Variants in FSTL5 observed in about 807,000 individuals in gnomAD.
FSTL5 encodes the protein follistatin-related protein 5.
Under a neutral mutation model 89.1 loss-of-function variants are expected in FSTL5, and 62 were observed. The observed-to-expected ratio is 0.70, with a 90% CI of 0.57 to 0.86. The LOEUF (loss-of-function observed/expected upper bound fraction) is 0.86. FSTL5 is among the 40% of genes least tolerant of loss of function. The pLI is 0.00. For missense variants in FSTL5, 1,057 were observed against 1,001.6 expected, an observed-to-expected ratio of 1.06 and a Z score of -0.75; for synonymous variants, 383 against 346.2, an observed-to-expected ratio of 1.11 and a Z score of -1.18.
At chr4:161,741,384 C>A (rs959300746) in intron 6 of FSTL5, among the ~76,000 whole-genome samples, 1 of 152,078 alleles carries the variant, frequency 6.6e-6, no homozygotes, top group Admixed American at 6.5e-5. Context: ...AGACTTGGCA[C>A]AATGTTACTG....
chr4:161,665,283 C>T (rs956260418), intron 6 of FSTL5, among the ~76,000 whole-genome samples: 6 of 152,100 alleles, frequency 3.9e-5, no homozygotes, highest in Non-Finnish European at 5.9e-5. Flanking sequence ...ACTCCTTCAC[C>T]CAGGCTGGAG....
intron 3 of FSTL5, among the ~76,000 whole-genome samples, chr4:162,007,142 A>T (rs192454743): frequency 6.6e-6 from 1 of 151,836 alleles, no homozygotes; most frequent in African/African-American, 2.4e-5. Context: ...AGAAAATTTT[A>T]AAAAGATAGT....
chr4:161,636,577 G>A (rs1578984812), intron 7 of FSTL5, among the ~76,000 whole-genome samples: 1 of 148,738 alleles, frequency 6.7e-6, no homozygotes, highest in African/African-American at 2.5e-5. Context: ...TCGTCATCTA[G>A]CATTAGGTAT....
At chr4:161,639,964 AT>A (rs1469937509) in intron 7 of FSTL5, among the ~76,000 whole-genome samples, 1 of 151,988 alleles carries the variant, frequency 6.6e-6, no homozygotes, top group Non-Finnish European at 1.5e-5. Flanking sequence ...TGCTTCCTTC[AT>A]TTTTTTCTTT....
At chr4:162,044,348 A>G (rs1450997946) in intron 2 of FSTL5, among the ~76,000 whole-genome samples, 1 of 152,180 alleles carries the variant, frequency 6.6e-6, no homozygotes, top group African/African-American at 2.4e-5. Flanking sequence ...ATATTTTAAA[A>G]GGAATCTTTT....
intron 3 of FSTL5, among the ~76,000 whole-genome samples, chr4:161,925,188 T>C (rs916234308): frequency 5.9e-5 from 9 of 151,944 alleles, no homozygotes; most frequent in Admixed American, 3.9e-4. Flanking sequence ...GTATATTTAG[T>C]AAGTTTTCTC....
chr4:161,447,311 A>G (rs1732980046), intron 15 of FSTL5, among the ~76,000 whole-genome samples: 2 of 152,088 alleles, frequency 1.3e-5, no homozygotes, highest in Admixed American at 6.6e-5. Flanking sequence ...TTACATATAT[A>G]TATATTAAAA....
chr4:161,436,142 T>C (rs899129527), intron 15 of FSTL5, among the ~76,000 whole-genome samples: 2 of 152,118 alleles, frequency 1.3e-5, no homozygotes, highest in African/African-American at 4.8e-5. Context: ...AAGAGATCGC[T>C]GTGTAGTCAC....
chr4:161,445,891 T>C (rs988061718), intron 15 of FSTL5, among the ~76,000 whole-genome samples: 1 of 151,990 alleles, frequency 6.6e-6, no homozygotes, highest in African/African-American at 2.4e-5. Context: ...AATAAAACAT[T>C]GTACTAGAAA....
intron 15 of FSTL5, among the ~76,000 whole-genome samples, chr4:161,392,116 T>C (rs1473677470): frequency 6.6e-6 from 1 of 152,216 alleles, no homozygotes; most frequent in Non-Finnish European, 1.5e-5. Flanking sequence ...CATAATTTAA[T>C]TATAGTACAT....
chr4:162,092,746 C>T (rs11100411), intron 2 of FSTL5, among the ~76,000 whole-genome samples: 115,489 of 151,534 alleles, frequency 0.76, 44,858 homozygotes, highest in Non-Finnish European at 0.84. Flanking sequence ...GTCAGGAGTT[C>T]GAGATCAGCC....
At chr4:161,718,805 C>G (rs1739093937) in intron 6 of FSTL5, among the ~76,000 whole-genome samples, 1 of 152,048 alleles carries the variant, frequency 6.6e-6, no homozygotes, top group East Asian at 1.9e-4. Flanking sequence ...ATCTATAAAT[C>G]AAAACATGGT....
At chr4:161,813,585 ACAGT>A (rs1215951293) in intron 4 of FSTL5, among the ~76,000 whole-genome samples, 2 of 152,194 alleles carry the variant, frequency 1.3e-5, no homozygotes, top group Non-Finnish European at 2.9e-5. Flanking sequence ...TCGTTTACAC[ACAGT>A]CAGCATTCTG....
At chr4:161,798,416 T>C (rs1729697296) in intron 4 of FSTL5, among the ~76,000 whole-genome samples, 1 of 151,662 alleles carries the variant, frequency 6.6e-6, no homozygotes, top group Non-Finnish European at 1.5e-5. Flanking sequence ...TATAGACTTT[T>C]TGTTAGTTTA....
At chr4:161,421,390 G>C (rs1186763652) in intron 15 of FSTL5, among the ~76,000 whole-genome samples, 1 of 151,530 alleles carries the variant, frequency 6.6e-6, no homozygotes, top group African/African-American at 2.4e-5. Flanking sequence ...AAAATAATGT[G>C]CGTGTATCAA....
At chr4:161,928,660 TCATAA>T (rs1177200697) in intron 3 of FSTL5, among the ~76,000 whole-genome samples, 3 of 151,804 alleles carry the variant, frequency 2.0e-5, no homozygotes, top group Non-Finnish European at 4.4e-5. Context: ...AATTCCATAA[TCATAA>T]CATAAGATTG....
At chr4:162,015,033 CTT>C (rs1252860238) in intron 3 of FSTL5, among the ~76,000 whole-genome samples, 2 of 152,156 alleles carry the variant, frequency 1.3e-5, no homozygotes, top group Non-Finnish European at 1.5e-5. Context: ...CTAGTGCAAA[CTT>C]TCAGAAGCAT....
chr4:162,160,672 C>G (rs904074922), intron 1 of FSTL5, among the ~76,000 whole-genome samples: 3 of 151,534 alleles, frequency 2.0e-5, no homozygotes, highest in African/African-American at 7.3e-5. Context: ...TTTAAATGGT[C>G]ATTATTCAAA....
At chr4:162,064,816 C>A (rs951287357) in intron 2 of FSTL5, among the ~76,000 whole-genome samples, 1 of 151,962 alleles carries the variant, frequency 6.6e-6, no homozygotes, top group Non-Finnish European at 1.5e-5. Flanking sequence ...TTTCCAATTT[C>A]CTTCACCTCC....
Sources: allele counts gnomAD v4.1 joint callset (sites outside exome capture counted in the v4.1 genomes callset), GRCh38; gene constraint gnomAD v4.1.1; transcripts MANE v1.5; gene names NCBI Gene and HGNC (gene_info 2026-07-23, HGNC 2026-07-21).